NUBPL: variants seen among roughly 807,000 people sequenced by gnomAD.
NUBPL encodes the protein NUBP iron-sulfur cluster assembly factor, mitochondrial, also known as iron-sulfur cluster transfer protein NUBPL.
NUBPL carries 31 observed loss-of-function variants against 45.7 expected under a neutral mutation model. The ratio of observed to expected loss-of-function variants is 0.68; its 90% CI spans 0.51 to 0.92. The LOEUF (loss-of-function observed/expected upper bound fraction) is 0.92, where lower values mean the gene tolerates loss of function less well. Among genes scored for constraint, NUBPL ranks in the 40% least tolerant of loss-of-function variants. The pLI, the probability that NUBPL is intolerant of heterozygous loss-of-function variation, is 0.00. For missense variants in NUBPL, 401 were observed against 398.7 expected (o/e 1.01, Z -0.05); for synonymous variants, 144 against 140.9 (o/e 1.02, Z -0.15).
In NUBPL at chr14:31,861,189, A is replaced by G. The variant is rs1467113986; in HGVS notation, c.*2009A>G. 1.3e-5 allele frequency: 2 copies of G among 152,218 alleles called. No homozygotes were observed. The highest frequency in any genetic ancestry group is 2.9e-5 in the Non-Finnish European group (2 of 68,040). 9.4% of individuals were successfully genotyped at this position (152,218 alleles called of 1,614,324 possible). Reference sequence around the variant, plus strand: ...TTCAACTGCATGTAAATCTACAATTATCTCAAAATAAAAATAAAAGTTAAA... The same window carrying G: ...TTCAACTGCATGTAAATCTACAATTGTCTCAAAATAAAAATAAAAGTTAAA... On this transcript the variant is annotated 3_prime_UTR_variant, in exon 11 of 11. Coordinates refer to ENST00000281081, the MANE Select transcript of NUBPL (RefSeq NM_025152.3).
intron 4 of NUBPL, among the ~76,000 whole-genome samples, chr14:31,661,324 C>T (rs565205992): frequency 3.9e-5 from 6 of 152,284 alleles, no homozygotes; most frequent in Admixed American, 1.3e-4. Context: ...ATTCACAGGG[C>T]AGTGGATTCC....
intron 7 of NUBPL, among the ~76,000 whole-genome samples, chr14:31,805,894 C>T (rs779823199): frequency 6.6e-6 from 1 of 150,920 alleles, no homozygotes; most frequent in Non-Finnish European, 1.5e-5. Flanking sequence ...CACATGTAAC[C>T]CCGAACCTAA....
chr14:31,692,436 A>T (rs563111825), intron 6 of NUBPL, among the ~76,000 whole-genome samples: 1 of 152,234 alleles, frequency 6.6e-6, no homozygotes, highest in Non-Finnish European at 1.5e-5. Context: ...TTCAAAGGCT[A>T]CTGTGATGTC....
intron 4 of NUBPL, among the ~76,000 whole-genome samples, chr14:31,648,916 C>A (rs2035927128): frequency 6.6e-6 from 1 of 152,258 alleles, no homozygotes; most frequent in South Asian, 2.1e-4. Context: ...TCAAGCAATT[C>A]TCTTGCCTCT....
intron 4 of NUBPL, among the ~76,000 whole-genome samples, chr14:31,618,106 G>A (rs2034959357): frequency 6.6e-6 from 1 of 152,058 alleles, no homozygotes; most frequent in Admixed American, 6.6e-5. Flanking sequence ...TATTTCTGTG[G>A]GATCAGTGGT....
chr14:31,833,349 T>C (rs1399945571), intron 8 of NUBPL, among the ~76,000 whole-genome samples: 1 of 152,030 alleles, frequency 6.6e-6, no homozygotes, highest in African/African-American at 2.4e-5. Flanking sequence ...AGCCTGAGTG[T>C]TATAGAGTGA....
intron 3 of NUBPL, among the ~76,000 whole-genome samples, chr14:31,566,374 G>A (rs1161863389): frequency 1.3e-5 from 2 of 152,054 alleles, no homozygotes; most frequent in South Asian, 4.1e-4. Flanking sequence ...AGGACTTTTA[G>A]GGAAGAAAAT....
At chr14:31,729,275 T>TAC (rs1555332372) in intron 6 of NUBPL, among the ~76,000 whole-genome samples, 2 of 55,586 alleles carry the variant, frequency 3.6e-5, no homozygotes, top group East Asian at 8.1e-4. Context: ...AGATGCTCCA[T>TAC]CCCCCCCCCC....
intron 10 of NUBPL, among the ~76,000 whole-genome samples, chr14:31,855,862 GT>G (rs2040609138): frequency 6.6e-6 from 1 of 152,104 alleles, no homozygotes; most frequent in Non-Finnish European, 1.5e-5. Flanking sequence ...TAGCTATAAT[GT>G]TTTTGACAAA....
At chr14:31,845,973 G>A (rs1254804884) in intron 8 of NUBPL, 1 of 167,118 alleles carries the variant, frequency 6.0e-6, no homozygotes, top group East Asian at 1.7e-4. Context: ...TGTCTGAAGA[G>A]GAATGCCTCA....
chr14:31,707,758 T>G (rs1319202934), intron 6 of NUBPL, among the ~76,000 whole-genome samples: 1 of 152,234 alleles, frequency 6.6e-6, no homozygotes, highest in Non-Finnish European at 1.5e-5. Context: ...TACCCTTGAT[T>G]AGCTAGAAAG....
intron 6 of NUBPL, among the ~76,000 whole-genome samples, chr14:31,774,621 A>G (rs1406815406): frequency 2.0e-5 from 3 of 152,164 alleles, no homozygotes; most frequent in African/African-American, 7.2e-5. Flanking sequence ...TATAAAATAC[A>G]ATTTTAGTTC....
At chr14:31,643,589 G>A (rs2035765191) in intron 4 of NUBPL, among the ~76,000 whole-genome samples, 1 of 152,184 alleles carries the variant, frequency 6.6e-6, no homozygotes. Context: ...ATGTTCATTA[G>A]TGTTGTTGGG....
intron 6 of NUBPL, among the ~76,000 whole-genome samples, chr14:31,677,888 G>A (rs2036738350): frequency 6.6e-6 from 1 of 152,210 alleles, no homozygotes; most frequent in Admixed American, 6.5e-5. Context: ...TTTCCTCAGG[G>A]CAGTGAGTTC....
intron 6 of NUBPL, among the ~76,000 whole-genome samples, chr14:31,755,361 T>A (rs1208313430): frequency 2.6e-5 from 4 of 152,222 alleles, no homozygotes; most frequent in African/African-American, 9.6e-5. Context: ...CCAGCACCTG[T>A]TGTTTCCTGA....
intron 6 of NUBPL, among the ~76,000 whole-genome samples, chr14:31,717,980 T>C (rs1285473568): frequency 1.3e-5 from 2 of 152,196 alleles, no homozygotes; most frequent in African/African-American, 4.8e-5. Flanking sequence ...GTGATTATTT[T>C]GGTGACTCTT....
intron 3 of NUBPL, among the ~76,000 whole-genome samples, chr14:31,596,282 G>T (rs1181750301): frequency 6.6e-6 from 1 of 152,138 alleles, no homozygotes. Context: ...TCTGAAAAGA[G>T]TGCTTTTTAA....
chr14:31,797,589 A>G (rs1014862937), intron 7 of NUBPL, among the ~76,000 whole-genome samples: 1 of 43,082 alleles, frequency 2.3e-5, no homozygotes, highest in Non-Finnish European at 3.5e-5. Context: ...TTGGCTTGGT[A>G]GATCTTCCTC....
chr14:31,621,055 A>G (rs1043385297), intron 4 of NUBPL, among the ~76,000 whole-genome samples: 3 of 152,186 alleles, frequency 2.0e-5, no homozygotes, highest in Non-Finnish European at 1.5e-5. Flanking sequence ...ACCCACTTCA[A>G]ACTTCCTGGC....
Sources: allele counts gnomAD v4.1 joint callset (sites outside exome capture counted in the v4.1 genomes callset), GRCh38; gene constraint gnomAD v4.1.1; transcripts MANE v1.5; gene names NCBI Gene and HGNC (gene_info 2026-07-23, HGNC 2026-07-21).